Variants in SCFD2 observed in about 807,000 individuals in gnomAD.
The protein encoded by SCFD2 is sec1 family domain-containing protein 2.
Under a neutral mutation model 58.9 loss-of-function variants are expected in SCFD2, and 54 were observed. That is an observed-to-expected ratio of 0.92 (90% CI 0.74 to 1.15). SCFD2 has a LOEUF of 1.15. SCFD2 is among the 50% of genes most tolerant of loss of function. SCFD2 has a pLI of 0.00. For synonymous variants in SCFD2, 321 were observed against 335.9 expected (o/e 0.96, Z 0.49); for missense variants, 805 against 836.6 (o/e 0.96, Z 0.47).
chr4:52,949,627 T>G (rs1720534484), intron 5 of SCFD2: 1 of 152,222 alleles, frequency 6.6e-6, no homozygotes, highest in Non-Finnish European at 1.5e-5. Context: ...AATCAGTTCC[T>G]CCTGGTCCAC....
At chr4:53,083,214 A>G (rs1199865118) in intron 5 of SCFD2, among the ~76,000 whole-genome samples, 2 of 152,196 alleles carry the variant, frequency 1.3e-5, no homozygotes, top group Non-Finnish European at 2.9e-5. Flanking sequence ...GTGAGGTCAC[A>G]GAAAGAAAGA....
At chr4:53,328,964 G>C (rs566265979) in intron 2 of SCFD2, among the ~76,000 whole-genome samples, 2 of 152,202 alleles carry the variant, frequency 1.3e-5, no homozygotes, top group Non-Finnish European at 2.9e-5. Context: ...TTCCCTTTCC[G>C]AGTCAAAGAA....
chr4:53,073,814 T>G (rs371164029), intron 5 of SCFD2, among the ~76,000 whole-genome samples: 4 of 152,288 alleles, frequency 2.6e-5, no homozygotes, highest in African/African-American at 7.2e-5. Context: ...CTAAAAACAA[T>G]GTACATACCT....
chr4:53,254,959 G>A (rs1227207004), intron 4 of SCFD2, among the ~76,000 whole-genome samples: 2 of 150,066 alleles, frequency 1.3e-5, no homozygotes, highest in African/African-American at 2.4e-5. Context: ...TGCAAGCTCC[G>A]CCTCCTGGGT....
At chr4:53,123,814 A>G (rs1388180555) in intron 5 of SCFD2, among the ~76,000 whole-genome samples, 1 of 152,180 alleles carries the variant, frequency 6.6e-6, no homozygotes, top group Non-Finnish European at 1.5e-5. Flanking sequence ...TTCCACACAG[A>G]TCTTCAGACA....
chr4:53,079,755 CTTT>C (rs1296468748), intron 5 of SCFD2, among the ~76,000 whole-genome samples: 1 of 152,102 alleles, frequency 6.6e-6, no homozygotes, highest in Non-Finnish European at 1.5e-5. Flanking sequence ...TTACATTGTG[CTTT>C]ATAACCTGAA....
intron 5 of SCFD2, among the ~76,000 whole-genome samples, chr4:53,104,075 T>C (rs1724916386): frequency 6.6e-6 from 1 of 152,122 alleles, no homozygotes; most frequent in African/African-American, 2.4e-5. Context: ...ATAGATGTTA[T>C]GTATGTATAT....
At chr4:53,087,433 A>G (rs953677802) in intron 5 of SCFD2, among the ~76,000 whole-genome samples, 1 of 152,078 alleles carries the variant, frequency 6.6e-6, no homozygotes, top group African/African-American at 2.4e-5. Context: ...TCCCGGGTTC[A>G]AGTGATTCTC....
rs78520436 is a variant in SCFD2, at chr4:53,308,535, T to G, written c.1135+5101A>C. On this transcript the variant is annotated intron_variant, in intron 3 of 8. Coordinates refer to ENST00000401642, the MANE Select transcript of SCFD2 (RefSeq NM_152540.4). ...CTCTTATACACACATAACAAAGAGA[T>G]TTGCATGCACACATGCTCCTCTTAA... 1.2e-4 allele frequency among the ~76,000 whole-genome samples: 18 copies of G among 152,202 alleles called. No homozygotes were observed. In the East Asian group the frequency reaches 3.3e-3, roughly 28 times the overall value.
intron 4 of SCFD2, among the ~76,000 whole-genome samples, chr4:53,205,389 G>GA (rs1412038793): frequency 1.3e-5 from 2 of 152,030 alleles, no homozygotes; most frequent in Non-Finnish European, 2.9e-5. Context: ...TCCATCCCAG[G>GA]AAAAAAGCAA....
At chr4:53,038,666 AG>A (rs1722821442) in intron 5 of SCFD2, among the ~76,000 whole-genome samples, 1 of 152,040 alleles carries the variant, frequency 6.6e-6, no homozygotes, top group African/African-American at 2.4e-5. Flanking sequence ...GGTTGTTAAC[AG>A]AAAAAAGAAG....
intron 4 of SCFD2, among the ~76,000 whole-genome samples, chr4:53,249,569 C>G (rs1020928807): frequency 2.0e-5 from 3 of 152,182 alleles, no homozygotes; most frequent in Non-Finnish European, 4.4e-5. Flanking sequence ...GGTCAGGTTA[C>G]CCACAAAGGG....
Position 53,180,160 on chromosome 4 carries a change from A to G in SCFD2, c.1312-34578T>C, listed in dbSNP as rs188499660. Among the ~76,000 whole-genome samples the G allele has an allele frequency of 2.3e-3, 345 of 152,362 alleles. 1 individual carries two copies. Among genetic ancestry groups the G allele is most frequent in the Admixed American group, 3.3e-3 (51 of 15,304 alleles). On this transcript the variant is annotated intron_variant, in intron 4 of 8. Transcript: ENST00000401642. Reference sequence around the variant, plus strand: ...TCTGCACCAAGCGGACCTAATAGACATCGACAGAAGTCTCCATTCCAAATC... The same window carrying G: ...TCTGCACCAAGCGGACCTAATAGACGTCGACAGAAGTCTCCATTCCAAATC...
At chr4:53,150,404 G>A (rs1726470195) in intron 4 of SCFD2, among the ~76,000 whole-genome samples, 1 of 152,156 alleles carries the variant, frequency 6.6e-6, no homozygotes, top group Non-Finnish European at 1.5e-5. Context: ...TGCCACTTTG[G>A]CTTGGAAGGT....
At chr4:53,143,916 G>C (rs1349315554) in intron 5 of SCFD2, among the ~76,000 whole-genome samples, 1 of 151,654 alleles carries the variant, frequency 6.6e-6, no homozygotes, top group Non-Finnish European at 1.5e-5. Context: ...GATAGACACA[G>C]GCTCAATCCA....
intron 5 of SCFD2, among the ~76,000 whole-genome samples, chr4:53,062,550 A>G (rs1405988485): frequency 1.3e-5 from 2 of 152,150 alleles, no homozygotes; most frequent in Non-Finnish European, 2.9e-5. Flanking sequence ...ACAAAGAATG[A>G]CAGGCATTTT....
chr4:52,954,807 G>C (rs1720673153), intron 5 of SCFD2, among the ~76,000 whole-genome samples: 2 of 152,160 alleles, frequency 1.3e-5, no homozygotes, highest in Admixed American at 1.3e-4. Context: ...GTACACATCT[G>C]ACTAAAAAGT....
intron 4 of SCFD2, among the ~76,000 whole-genome samples, chr4:53,159,187 GA>G (rs886222656): frequency 5.3e-5 from 8 of 151,914 alleles, no homozygotes; most frequent in South Asian, 4.2e-4. Flanking sequence ...TAGAAAAAAA[GA>G]AAAAAATAAA....
intron 5 of SCFD2, among the ~76,000 whole-genome samples, chr4:53,094,820 C>T (rs1346055939): frequency 2.6e-5 from 4 of 152,088 alleles, no homozygotes; most frequent in Admixed American, 6.6e-5. Context: ...TATTCACTGT[C>T]TCAAATTCCT....
Sources: gnomAD v4.1 joint callset for allele counts (sites outside exome capture counted in the v4.1 genomes callset) on GRCh38, gnomAD v4.1.1 for gene constraint, MANE v1.5 for transcripts, NCBI Gene and HGNC (gene_info 2026-07-23, HGNC 2026-07-21) for gene names.